The following DLGAP2 variants were observed in gnomAD, a reference collection of about 807,000 sequenced individuals.
DLGAP2 encodes DLG associated protein 2.
DLGAP2 carries 26 observed loss-of-function variants against 100.3 expected under a neutral mutation model. That is an observed-to-expected ratio of 0.26 (90% CI 0.19 to 0.36). The LOEUF is 0.36. DLGAP2 is among the 10% of genes least tolerant of loss of function. DLGAP2 has a pLI of 1.00. For missense variants in DLGAP2, 1,858 were observed against 1,453.2 expected (o/e 1.28, Z -4.53); for synonymous variants, 886 against 630.1 (o/e 1.41, Z -6.08).
intron 8 of DLGAP2, among the ~76,000 whole-genome samples, chr8:1,640,093 GTCT>G (rs1308559003): frequency 3.9e-5 from 6 of 152,208 alleles, no homozygotes; most frequent in Non-Finnish European, 8.8e-5. Context: ...AATGAATGAG[GTCT>G]TCTCTGAAAC....
chr8:1,061,912 C>A (rs1803096169), intron 2 of DLGAP2, among the ~76,000 whole-genome samples: 1 of 152,034 alleles, frequency 6.6e-6, no homozygotes, highest in Non-Finnish European at 1.5e-5. Context: ...TTATAAAGAC[C>A]CATGTCGTCA....
At chr8:936,406 C>T (rs1432837881) in intron 2 of DLGAP2, among the ~76,000 whole-genome samples, 1 of 152,174 alleles carries the variant, frequency 6.6e-6, no homozygotes, top group Non-Finnish European at 1.5e-5. Context: ...CATTGCCTCC[C>T]CTGGGAGATG....
At chr8:1,688,137 C>G (rs1197491230) in intron 12 of DLGAP2, 1 of 152,266 alleles carries the variant, frequency 6.6e-6, no homozygotes, top group Non-Finnish European at 1.5e-5. Context: ...GGCCCCTCCA[C>G]TCCCCTCACC....
intron 1 of DLGAP2, among the ~76,000 whole-genome samples, chr8:767,918 C>G (rs1173868740): frequency 6.6e-6 from 1 of 152,208 alleles, no homozygotes; most frequent in Non-Finnish European, 1.5e-5. Flanking sequence ...ACACAATAAT[C>G]TCTTGAGATG....
chr8:1,100,594 G>T (rs1321249156), intron 2 of DLGAP2, among the ~76,000 whole-genome samples: 2 of 152,144 alleles, frequency 1.3e-5, no homozygotes, highest in Non-Finnish European at 2.9e-5. Context: ...TGATACAGGG[G>T]AATTACTCTA....
chr8:1,514,809 C>T (rs1264823989), intron 4 of DLGAP2, among the ~76,000 whole-genome samples: 1 of 152,300 alleles, frequency 6.6e-6, no homozygotes, highest in East Asian at 1.9e-4. Context: ...AAAGGAAGGC[C>T]GGCCTGAGTC....
intron 3 of DLGAP2, among the ~76,000 whole-genome samples, chr8:1,290,008 T>G (rs1332536793): frequency 6.6e-6 from 1 of 152,110 alleles, no homozygotes; most frequent in Non-Finnish European, 1.5e-5. Flanking sequence ...CTGAAAAAGG[T>G]TCTATGCACC....
chr8:1,442,786 G>T (rs1005221113), intron 3 of DLGAP2, among the ~76,000 whole-genome samples: 9 of 149,034 alleles, frequency 6.0e-5, no homozygotes, highest in African/African-American at 2.3e-4. Flanking sequence ...GACCCACCAG[G>T]CTGCTGGGGG....
At chr8:1,309,255 T>C (rs1010050728) in intron 3 of DLGAP2, among the ~76,000 whole-genome samples, 2 of 152,118 alleles carry the variant, frequency 1.3e-5, no homozygotes, top group African/African-American at 4.8e-5. Flanking sequence ...CCAAGAAGCA[T>C]AATGAACTTC....
intron 2 of DLGAP2, among the ~76,000 whole-genome samples, chr8:1,092,432 A>C (rs1804216803): frequency 6.6e-6 from 1 of 152,062 alleles, no homozygotes. Flanking sequence ...CTGTGGTTGG[A>C]CTTCGCACTT....
chr8:1,216,232 C>A (rs757320370), intron 2 of DLGAP2, among the ~76,000 whole-genome samples: 3 of 152,196 alleles, frequency 2.0e-5, no homozygotes, highest in Non-Finnish European at 4.4e-5. Flanking sequence ...CTCACGTGAA[C>A]TGAGGTCTCA....
intron 1 of DLGAP2, among the ~76,000 whole-genome samples, chr8:847,446 C>G (rs1347684201): frequency 6.6e-6 from 1 of 151,944 alleles, no homozygotes; most frequent in Non-Finnish European, 1.5e-5. Context: ...TCATGTAACT[C>G]TGACCAGAAT....
At chr8:747,739 G>C (rs1254606397) in intron 1 of DLGAP2, among the ~76,000 whole-genome samples, 1 of 47,912 alleles carries the variant, frequency 2.1e-5, no homozygotes, top group African/African-American at 9.7e-5. Context: ...TGGGATGGGG[G>C]GGCTCTGCGG....
intron 3 of DLGAP2, among the ~76,000 whole-genome samples, chr8:1,451,867 C>T (rs1171745663): frequency 1.3e-5 from 2 of 152,252 alleles, no homozygotes; most frequent in Non-Finnish European, 2.9e-5. Flanking sequence ...CCAAACCATC[C>T]TGTTCCCTCC....
At position 900,118 on chromosome 8, in the gene DLGAP2, C is replaced by T. The variant is rs903765804; in HGVS notation, c.19-7794C>T. On this transcript the variant is annotated intron_variant, in intron 1 of 14. Coordinates refer to ENST00000637795, the MANE Select transcript of DLGAP2 (RefSeq NM_001346810.2). ...TGGATGGTGGGCGGCCTCCTCTTCA[C>T]GGCGTCGCTCCTGGGTGGACGGTGG... Among the ~76,000 whole-genome samples the T allele has an allele frequency of 2.6e-5, 4 of 152,010 alleles. No homozygotes were observed. The East Asian group carries it at 5.8e-4, about 22-fold the overall frequency.
At chr8:743,201 C>A (rs1048478813) in intron 1 of DLGAP2, among the ~76,000 whole-genome samples, 2 of 152,076 alleles carry the variant, frequency 1.3e-5, no homozygotes. Context: ...TCGGAAGAAA[C>A]ACATGTGATA....
At chr8:1,414,307 G>A (rs569061974) in intron 3 of DLGAP2, among the ~76,000 whole-genome samples, 3 of 152,250 alleles carry the variant, frequency 2.0e-5, no homozygotes, top group Non-Finnish European at 2.9e-5. Flanking sequence ...GTGTTTCACA[G>A]TTGTCAGAAT....
At chr8:901,971 G>A (rs887569864) in intron 1 of DLGAP2, among the ~76,000 whole-genome samples, 46 of 152,158 alleles carry the variant, frequency 3.0e-4, no homozygotes, top group African/African-American at 1.1e-3. Flanking sequence ...CGTGGGAGCC[G>A]TGCAACCCCC....
At chr8:1,266,095 G>GA (rs1401439452) in intron 3 of DLGAP2, among the ~76,000 whole-genome samples, 2 of 152,342 alleles carry the variant, frequency 1.3e-5, no homozygotes, top group East Asian at 3.9e-4. Flanking sequence ...GAACCTCACT[G>GA]AAGGGAGTGG....
Sources: allele counts gnomAD v4.1 joint callset (sites outside exome capture counted in the v4.1 genomes callset), GRCh38; gene constraint gnomAD v4.1.1; transcripts MANE v1.5; gene names NCBI Gene and HGNC (gene_info 2026-07-23, HGNC 2026-07-21).